FAM241A: variants seen among roughly 807,000 people sequenced by gnomAD.
The protein encoded by FAM241A is family with sequence similarity 241 member A.
In FAM241A, 7 loss-of-function variants were observed where a neutral mutation model predicts 12.2. The ratio of observed to expected loss-of-function variants is 0.58; its 90% CI spans 0.33 to 1.08. FAM241A has a LOEUF of 1.08. Ranked by LOEUF, FAM241A falls within the 50% of genes least tolerant of loss-of-function variation. FAM241A has a pLI of 0.04. For synonymous variants in FAM241A, 74 were observed against 68.2 expected (o/e 1.08, Z -0.42); for missense variants, 161 against 169.7 (o/e 0.95, Z 0.29).
intron 1 of FAM241A, among the ~76,000 whole-genome samples, chr4:112,168,690 G>A (rs1304121243): frequency 1.3e-5 from 2 of 151,768 alleles, no homozygotes. Flanking sequence ...TTGAGACAGT[G>A]TTTGGCTGTT....
intron 1 of FAM241A, among the ~76,000 whole-genome samples, chr4:112,173,273 A>G (rs1296837961): frequency 6.6e-6 from 1 of 152,182 alleles, no homozygotes; most frequent in Non-Finnish European, 1.5e-5. Context: ...TTATATTTCT[A>G]CATTTTTTAA....
Position 112,194,864 on chromosome 4 carries a change from C to G in FAM241A, c.*7926C>G, listed in dbSNP as rs981540763. On this transcript the variant is annotated 3_prime_UTR_variant, in exon 2 of 2. Transcript: ENST00000309733. ...GCACGATCTCGACTCACTGCAACCTCCGCCTCCCAGGTTTAAGCAATTCTC... is the reference window on the plus strand; with the variant it reads ...GCACGATCTCGACTCACTGCAACCTGCGCCTCCCAGGTTTAAGCAATTCTC... 1.3e-5 allele frequency: 2 copies of G among 152,228 alleles called. No individual in the cohort carries two copies. Among genetic ancestry groups the G allele is most frequent in the Admixed American group, 1.3e-4 (2 of 15,286 alleles). The allele number at this position is 152,228 out of a possible 1,614,324, so 9.4% of individuals were successfully genotyped here. A position where few individuals can be genotyped will look rare whatever the true frequency, so the allele number is the denominator to read the frequency against.
intron 1 of FAM241A, among the ~76,000 whole-genome samples, chr4:112,175,627 G>C (rs190853842): frequency 5.3e-4 from 80 of 152,128 alleles, no homozygotes; most frequent in African/African-American, 1.8e-3. Context: ...AATTAGCTAG[G>C]TGTGGTGGCA....
At chr4:112,148,617 A>G (rs1342442754) in intron 1 of FAM241A, among the ~76,000 whole-genome samples, 1 of 152,192 alleles carries the variant, frequency 6.6e-6, no homozygotes, top group Non-Finnish European at 1.5e-5. Flanking sequence ...TTGAAATAGG[A>G]TCAGGTGTCT....
In FAM241A at chr4:112,187,139, C is replaced by T. The variant is rs978111541; in HGVS notation, c.*201C>T. ...GGGTTGAATATATATTTTGAATATA[C>T]ATTAGCTTATTCAAAACTCTTGTTT... On this transcript the variant is annotated 3_prime_UTR_variant, in exon 2 of 2. Transcript: ENST00000309733. The T allele has an allele frequency of 1.7e-6, 1 of 578,016 alleles. No individual in the cohort carries two copies. Among genetic ancestry groups the T allele is most frequent in the South Asian group, 2.3e-5 (1 of 42,558 alleles). The allele number at this position is 578,016 out of a possible 1,614,324, so 35.8% of individuals were successfully genotyped here.
At chr4:112,166,211 G>C (rs2110427258) in intron 1 of FAM241A, among the ~76,000 whole-genome samples, 1 of 151,618 alleles carries the variant, frequency 6.6e-6, no homozygotes, top group Middle Eastern at 3.4e-3. Flanking sequence ...ACCACACCCG[G>C]CTAATTTTTT....
chr4:112,186,027 G>C (rs1007678492), intron 1 of FAM241A, among the ~76,000 whole-genome samples: 4 of 152,230 alleles, frequency 2.6e-5, no homozygotes, highest in African/African-American at 9.6e-5. Context: ...GTAGCTTACT[G>C]TCATGGCCTT....
intron 1 of FAM241A, among the ~76,000 whole-genome samples, chr4:112,181,948 T>C (rs1578379689): frequency 6.6e-6 from 1 of 152,310 alleles, no homozygotes; most frequent in East Asian, 1.9e-4. Flanking sequence ...ATATAGATTA[T>C]AGGGGAGCTA....
chr4:112,145,843 G>A, intron 1 of FAM241A, 110 bp downstream of exon 1: 17 of 629,352 alleles, frequency 2.7e-5, no homozygotes, highest in Non-Finnish European at 3.5e-5. Context: ...GCTCTGCCCC[G>A]CGTGGGCACT....
intron 1 of FAM241A, among the ~76,000 whole-genome samples, chr4:112,180,861 A>C (rs1382549055): frequency 6.6e-6 from 1 of 152,206 alleles, no homozygotes. Flanking sequence ...ACAGAACTGT[A>C]AGATAATACA....
chr4:112,148,305 A>G (rs546060733), intron 1 of FAM241A, among the ~76,000 whole-genome samples: 1 of 152,238 alleles, frequency 6.6e-6, no homozygotes, highest in African/African-American at 2.4e-5. Flanking sequence ...TGTTATTACA[A>G]TACCAGAACA....
intron 1 of FAM241A, among the ~76,000 whole-genome samples, chr4:112,165,316 G>C (rs1723571422): frequency 6.6e-6 from 1 of 152,174 alleles, no homozygotes; most frequent in Non-Finnish European, 1.5e-5. Context: ...ATGTAAATTA[G>C]TATGACCACT....
chr4:112,149,603 G>T (rs1034614022), intron 1 of FAM241A, among the ~76,000 whole-genome samples: 2 of 152,156 alleles, frequency 1.3e-5, no homozygotes, highest in Non-Finnish European at 2.9e-5. Flanking sequence ...ACATCCTAAA[G>T]AATTTAATTC....
At chr4:112,173,590 T>A (rs1708463838) in intron 1 of FAM241A, among the ~76,000 whole-genome samples, 1 of 152,188 alleles carries the variant, frequency 6.6e-6, no homozygotes, top group Admixed American at 6.5e-5. Flanking sequence ...TCATTTAACT[T>A]CAAATATATA....
intron 1 of FAM241A, among the ~76,000 whole-genome samples, 184 bp downstream of exon 1, chr4:112,145,917 G>A (rs1161622302): frequency 6.6e-6 from 1 of 151,432 alleles, no homozygotes; most frequent in African/African-American, 2.4e-5. Flanking sequence ...AGGAGGAGCG[G>A]CGGGGTCGCG....
At chr4:112,155,027 C>T (rs1349707982) in intron 1 of FAM241A, among the ~76,000 whole-genome samples, 1 of 151,792 alleles carries the variant, frequency 6.6e-6, no homozygotes, top group Non-Finnish European at 1.5e-5. Flanking sequence ...AGCAAAACTC[C>T]GTCTGCGCCC....
chr4:112,151,990 A>T (rs1723253742), intron 1 of FAM241A, among the ~76,000 whole-genome samples: 1 of 152,168 alleles, frequency 6.6e-6, no homozygotes, highest in South Asian at 2.1e-4. Context: ...ACTTCCTTTC[A>T]CGTATTTTAA....
intron 1 of FAM241A, among the ~76,000 whole-genome samples, chr4:112,176,432 GAGTC>G (rs1723822522): frequency 6.6e-6 from 1 of 152,190 alleles, no homozygotes; most frequent in Admixed American, 6.5e-5. Context: ...AAGAAACTGA[GAGTC>G]AGTGGTTAAG....
At chr4:112,161,037 C>A (rs933041463) in intron 1 of FAM241A, among the ~76,000 whole-genome samples, 4 of 152,080 alleles carry the variant, frequency 2.6e-5, no homozygotes, top group Admixed American at 2.6e-4. Context: ...GTACAGGCAA[C>A]TAAAGCAAAA....
Sources: gnomAD v4.1 joint callset for allele counts (sites outside exome capture counted in the v4.1 genomes callset) on GRCh38, gnomAD v4.1.1 for gene constraint, MANE v1.5 for transcripts, NCBI Gene and HGNC (gene_info 2026-07-23, HGNC 2026-07-21) for gene names.